IL19: variants seen among roughly 807,000 people sequenced by gnomAD.
IL19 encodes the protein interleukin 19.
Under a neutral mutation model 19.5 loss-of-function variants are expected in IL19, and 15 were observed. The ratio of observed to expected loss-of-function variants is 0.77; its 90% CI spans 0.52 to 1.19. The LOEUF (loss-of-function observed/expected upper bound fraction) is 1.19, where lower values mean the gene tolerates loss of function less well. Ranked by LOEUF, IL19 falls within the 50% of genes most tolerant of loss-of-function variation. IL19 has a pLI of 0.00. For missense variants in IL19, 199 were observed against 213.1 expected, an observed-to-expected ratio of 0.93 and a Z score of 0.41; for synonymous variants, 78 against 78.3, an observed-to-expected ratio of 1.00 and a Z score of 0.02.
intron 2 of IL19, among the ~76,000 whole-genome samples, chr1:206,823,141 G>A (rs545362146): frequency 6.6e-6 from 1 of 151,922 alleles, no homozygotes; most frequent in Non-Finnish European, 1.5e-5. Flanking sequence ...TGTTGGCCAG[G>A]CTGGTCTCAA....
Position 206,836,736 on chromosome 1 carries a change from T to G in IL19, c.74T>G (p.Leu25Arg). Residue 25 changes from leucine (L) to arginine (R), a missense_variant, in exon 3 of 7, where the codon CTC becomes CGC. Physicochemically the swap from Leu to Arg is moderately radical, Grantham distance 102 (BLOSUM62 -2). Coordinates refer to ENST00000659997, the MANE Select transcript of IL19 (RefSeq NM_153758.5). ...LILCSVDNHGLRRCLISTDMH... is the reference protein window; with the variant it reads ...LILCSVDNHGRRRCLISTDMH... ...TTGTGCTCAGTAGACAACCACGGTC[T>G]CAGGAGATGTCTGATTTCCACAGAC... 2 of 1,613,978 alleles carry G rather than the reference T, an allele frequency of 1.2e-6. No individual in the cohort carries two copies. Among genetic ancestry groups the G allele is most frequent in the Non-Finnish European group, 1.7e-6 (2 of 1,179,850 alleles).
At chr1:206,826,243 A>C (rs1271317743) in intron 2 of IL19, among the ~76,000 whole-genome samples, 1 of 152,220 alleles carries the variant, frequency 6.6e-6, no homozygotes, top group Non-Finnish European at 1.5e-5. Context: ...AATCCTAGCT[A>C]ACTTCTAAGT....
chr1:206,834,970 GGGT>G (rs949615179), intron 2 of IL19, among the ~76,000 whole-genome samples: 31 of 152,300 alleles, frequency 2.0e-4, no homozygotes, highest in Admixed American at 3.9e-4. Context: ...CTACTTCATA[GGGT>G]GGTTGTGAGC....
At chr1:206,827,205 A>G (rs1034828487) in intron 2 of IL19, among the ~76,000 whole-genome samples, 16 of 152,218 alleles carry the variant, frequency 1.1e-4, no homozygotes, top group African/African-American at 3.9e-4. Flanking sequence ...AAAAGTATTG[A>G]CATAGGAGAA....
chr1:206,819,944 CA>C lies in IL19; in HGVS notation c.-2-16714del, dbSNP rs1427729104. On this transcript the variant is annotated intron_variant, in intron 2 of 6. Coordinates refer to ENST00000659997, the MANE Select transcript of IL19 (RefSeq NM_153758.5). ...ATGTAAACCTATGTCTATCTAACCC[CA>C]AAGCCTAAGTTCTTATGTGGGTCTC... Among the ~76,000 whole-genome samples, 5 of 152,308 alleles carry C rather than the reference CA, an allele frequency of 3.3e-5. No individual in the cohort carries two copies. The South Asian group carries it at 6.2e-4, about 19-fold the overall frequency.
chr1:206,796,995 C>G lies in IL19; in HGVS notation c.-148-1866C>G, dbSNP rs143034526. 9.0e-3 allele frequency among the ~76,000 whole-genome samples: 1,365 copies of G among 152,300 alleles called. 28 individuals carry two copies. The highest frequency in any genetic ancestry group is 0.029 in the African/African-American group (1,224 of 41,538). On this transcript the variant is annotated intron_variant, in intron 1 of 6. Transcript: ENST00000659997. ...GTAAATGGGAAGTATTGCTCGAAAACCGGATCACAAAGCCTCCTTGTGCTG... is the reference window on the plus strand; with the variant it reads ...GTAAATGGGAAGTATTGCTCGAAAAGCGGATCACAAAGCCTCCTTGTGCTG...
intron 1 of IL19, among the ~76,000 whole-genome samples, chr1:206,784,213 C>T (rs4072227): frequency 0.89 from 135,427 of 152,212 alleles, 60,521 homozygotes; most frequent in Non-Finnish European, 0.93. Context: ...CCTTGCTTTC[C>T]GCATCAATAA....
intron 2 of IL19, among the ~76,000 whole-genome samples, chr1:206,814,472 C>T (rs1382097248): frequency 2.7e-5 from 4 of 148,568 alleles, no homozygotes; most frequent in African/African-American, 7.5e-5. Flanking sequence ...GGGCAGATCA[C>T]ATGAGGCCAG....
intron 1 of IL19, chr1:206,771,294 G>T: frequency 6.9e-7 from 1 of 1,447,728 alleles, no homozygotes; most frequent in Non-Finnish European, 9.7e-7. Context: ...CAATCAGGAA[G>T]CAGAGTCTCC....
At chr1:206,807,145 T>C (rs1032632672) in intron 2 of IL19, among the ~76,000 whole-genome samples, 1 of 152,130 alleles carries the variant, frequency 6.6e-6, no homozygotes, top group African/African-American at 2.4e-5. Context: ...TCATGAGAAC[T>C]CACCCACTAT....
intron 5 of IL19, 122 bp downstream of exon 5, chr1:206,840,124 C>T (rs577198139): frequency 7.3e-5 from 81 of 1,105,122 alleles, no homozygotes; most frequent in Admixed American, 1.1e-4. Flanking sequence ...TCTCTGCGCA[C>T]GTCCACAGGG....
intron 6 of IL19, 78 bp from the exon 7 acceptor site, chr1:206,842,449 C>A: frequency 3.7e-6 from 3 of 819,806 alleles, no homozygotes; most frequent in Admixed American, 4.9e-5. Context: ...CTTGTGGGAA[C>A]CAGCATATGA....
intron 2 of IL19, chr1:206,834,213 G>A: frequency 1.0e-6 from 1 of 985,128 alleles, no homozygotes; most frequent in African/African-American, 1.7e-5. Flanking sequence ...AAAGAAGAAA[G>A]AAAACAATTA....
chr1:206,842,311 A>G (rs1382137855), intron 6 of IL19, among the ~76,000 whole-genome samples: 1 of 152,200 alleles, frequency 6.6e-6, no homozygotes, highest in East Asian at 1.9e-4. Flanking sequence ...TTCTGTTTAT[A>G]AGGAGCTGAC....
intron 2 of IL19, among the ~76,000 whole-genome samples, chr1:206,836,012 C>A (rs1045347503): frequency 1.3e-5 from 2 of 152,222 alleles, no homozygotes; most frequent in Non-Finnish European, 2.9e-5. Flanking sequence ...CAGCAGGTGA[C>A]CGACGGGAAG....
chr1:206,789,056 T>TGGTATC (rs1558608217), intron 1 of IL19, among the ~76,000 whole-genome samples: 4 of 152,320 alleles, frequency 2.6e-5, no homozygotes, highest in Admixed American at 6.5e-5. Context: ...GTCAGAATGC[T>TGGTATC]AGAGTGACCT....
chr1:206,809,775 T>C (rs1675952102), intron 2 of IL19, among the ~76,000 whole-genome samples: 1 of 152,234 alleles, frequency 6.6e-6, no homozygotes, highest in African/African-American at 2.4e-5. Context: ...AGGATAATGA[T>C]AAGGACAAAT....
chr1:206,815,748 G>A (rs959615541), intron 2 of IL19, among the ~76,000 whole-genome samples: 2 of 152,034 alleles, frequency 1.3e-5, no homozygotes, highest in East Asian at 3.9e-4. Context: ...GGGAGAGGAA[G>A]AAAGATAAAA....
At chr1:206,801,645 A>G (rs1379557336) in intron 2 of IL19, among the ~76,000 whole-genome samples, 1 of 152,176 alleles carries the variant, frequency 6.6e-6, no homozygotes, top group Non-Finnish European at 1.5e-5. Context: ...CAGACCCAAG[A>G]GCTCCCTCTT....
Sources: gnomAD v4.1 joint callset for allele counts (sites outside exome capture counted in the v4.1 genomes callset) on GRCh38, gnomAD v4.1.1 for gene constraint, MANE v1.5 for transcripts, NCBI Gene and HGNC (gene_info 2026-07-23, HGNC 2026-07-21) for gene names.